Variants in SYT1 observed in about 807,000 individuals in gnomAD.
The protein encoded by SYT1 is synaptotagmin 1.
Under a neutral mutation model 44.8 loss-of-function variants are expected in SYT1, and 8 were observed. The observed-to-expected ratio is 0.18, with a 90% CI of 0.10 to 0.32. SYT1 has a LOEUF of 0.32. Among genes scored for constraint, SYT1 ranks in the 10% least tolerant of loss-of-function variants. The pLI, the probability that SYT1 is intolerant of heterozygous loss-of-function variation, is 1.00. For synonymous variants in SYT1, 154 were observed against 188.8 expected (o/e 0.82, Z 1.51); for missense variants, 286 against 509.3 (o/e 0.56, Z 4.22).
intron 8 of SYT1, among the ~76,000 whole-genome samples, chr12:79,335,695 C>A (rs1882059825): frequency 6.6e-6 from 1 of 152,178 alleles, no homozygotes; most frequent in Non-Finnish European, 1.5e-5. Context: ...TAGGGTCCAT[C>A]CATTCAAAAA....
At chr12:79,225,277 C>T (rs1361075888) in intron 4 of SYT1, among the ~76,000 whole-genome samples, 1 of 152,072 alleles carries the variant, frequency 6.6e-6, no homozygotes, top group Non-Finnish European at 1.5e-5. Flanking sequence ...GCTTCTTATT[C>T]CTCATTAATT....
intron 3 of SYT1, among the ~76,000 whole-genome samples, chr12:79,097,664 T>C (rs1878216615): frequency 6.6e-6 from 1 of 152,062 alleles, no homozygotes; most frequent in Non-Finnish European, 1.5e-5. Context: ...CTTACCCAGC[T>C]TTATTCAAGA....
chr12:79,129,961 G>A (rs1565819362), intron 3 of SYT1, among the ~76,000 whole-genome samples: 1 of 152,090 alleles, frequency 6.6e-6, no homozygotes, highest in African/African-American at 2.4e-5. Flanking sequence ...ATGGCCAGAT[G>A]GAGAGAATTA....
intron 9 of SYT1, among the ~76,000 whole-genome samples, chr12:79,357,025 A>G (rs1357799515): frequency 6.6e-6 from 1 of 152,206 alleles, no homozygotes; most frequent in Non-Finnish European, 1.5e-5. Flanking sequence ...GTAGGCCCAC[A>G]TTTTGCATAG....
At chr12:79,322,305 T>C (rs1057320276) in intron 8 of SYT1, among the ~76,000 whole-genome samples, 16 of 152,156 alleles carry the variant, frequency 1.1e-4, no homozygotes, top group African/African-American at 3.9e-4. Flanking sequence ...TCATCTATCC[T>C]CAAATGGAAA....
At chr12:79,263,116 A>G (rs1286743706) in intron 4 of SYT1, among the ~76,000 whole-genome samples, 1 of 152,130 alleles carries the variant, frequency 6.6e-6, no homozygotes. Context: ...TAGGACTTCA[A>G]AGAGTCATGA....
chr12:78,888,487 G>A (rs1294366959), intron 1 of SYT1, among the ~76,000 whole-genome samples: 2 of 151,824 alleles, frequency 1.3e-5, no homozygotes, highest in African/African-American at 4.8e-5. Flanking sequence ...TCACCTAAAT[G>A]TTCCTTATTA....
chr12:79,312,767 G>C (rs1481116853), intron 8 of SYT1, among the ~76,000 whole-genome samples: 1 of 132,200 alleles, frequency 7.6e-6, no homozygotes, highest in African/African-American at 3.1e-5. Context: ...ACAAGGGGCT[G>C]CATTTTTTTT....
intron 2 of SYT1, among the ~76,000 whole-genome samples, chr12:78,983,306 C>G (rs1455086066): frequency 6.6e-6 from 1 of 151,964 alleles, no homozygotes; most frequent in Non-Finnish European, 1.5e-5. Flanking sequence ...TAAGTAATAC[C>G]AGAGTGGCTC....
chr12:79,429,630 G>A (rs999102137), intron 9 of SYT1, among the ~76,000 whole-genome samples: 4 of 152,028 alleles, frequency 2.6e-5, no homozygotes, highest in East Asian at 1.9e-4. Flanking sequence ...CCGGGTTCAC[G>A]CCATTCTCCT....
chr12:79,258,795 A>C (rs555576586), intron 4 of SYT1, among the ~76,000 whole-genome samples: 1 of 152,352 alleles, frequency 6.6e-6, no homozygotes, highest in Non-Finnish European at 1.5e-5. Context: ...TTATTTCTTC[A>C]CTGAGTGTGG....
intron 8 of SYT1, among the ~76,000 whole-genome samples, chr12:79,325,133 A>G (rs942387298): frequency 6.6e-6 from 1 of 152,182 alleles, no homozygotes; most frequent in Admixed American, 6.5e-5. Flanking sequence ...CTATTCAAGT[A>G]TCTTCCCAGG....
At chr12:79,370,866 T>C (rs2136048389) in intron 9 of SYT1, among the ~76,000 whole-genome samples, 1 of 152,164 alleles carries the variant, frequency 6.6e-6, no homozygotes, top group Admixed American at 6.5e-5. Context: ...ACCTATTAAA[T>C]CCCTCCAATC....
At chr12:79,162,299 T>C (rs961072) in intron 3 of SYT1, among the ~76,000 whole-genome samples, 94,825 of 151,992 alleles carry the variant, frequency 0.62, 29,913 homozygotes, top group Admixed American at 0.68. Context: ...CTCCCATTGA[T>C]AATGTGACTC....
chr12:79,320,675 A>C, intron 8 of SYT1, among the ~76,000 whole-genome samples: 1 of 129,526 alleles, frequency 7.7e-6, no homozygotes. Flanking sequence ...TTTTTGAGAC[A>C]GAGTGGTGCG....
intron 1 of SYT1, among the ~76,000 whole-genome samples, chr12:78,900,177 T>A (rs1400833939): frequency 6.6e-6 from 1 of 152,076 alleles, no homozygotes; most frequent in Non-Finnish European, 1.5e-5. Flanking sequence ...ATGTTTTGGA[T>A]GGAAAAAATA....
At chr12:79,345,214 A>G (rs1409731052) in intron 8 of SYT1, among the ~76,000 whole-genome samples, 1 of 152,156 alleles carries the variant, frequency 6.6e-6, no homozygotes, top group Non-Finnish European at 1.5e-5. Context: ...TTAAAGCTAC[A>G]TTTGCATGGC....
intron 4 of SYT1, among the ~76,000 whole-genome samples, chr12:79,237,895 T>G (rs1238759997): frequency 1.3e-5 from 2 of 152,206 alleles, no homozygotes; most frequent in Non-Finnish European, 2.9e-5. Context: ...AGAATACATT[T>G]TAGTACAGGG....
intron 2 of SYT1, among the ~76,000 whole-genome samples, chr12:79,031,854 G>A (rs916749980): frequency 2.6e-5 from 4 of 150,948 alleles, no homozygotes; most frequent in Admixed American, 1.3e-4. Context: ...TCCTGTACCC[G>A]TTTTTTCTTT....
Sources: gnomAD v4.1 joint callset for allele counts (sites outside exome capture counted in the v4.1 genomes callset) on GRCh38, gnomAD v4.1.1 for gene constraint, MANE v1.5 for transcripts, NCBI Gene and HGNC (gene_info 2026-07-23, HGNC 2026-07-21) for gene names.